Variants in GRIP1 observed in about 807,000 individuals in gnomAD.
GRIP1 encodes the protein glutamate receptor-interacting protein 1.
Under a neutral mutation model 129.9 loss-of-function variants are expected in GRIP1, and 45 were observed. The ratio of observed to expected loss-of-function variants is 0.35; its 90% CI spans 0.27 to 0.44. GRIP1 has a LOEUF of 0.44. Among genes scored for constraint, GRIP1 ranks in the 20% least tolerant of loss-of-function variants. The pLI is 1.00. For missense variants in GRIP1, 1,196 were observed against 1,396.8 expected (o/e 0.86, Z 2.29); for synonymous variants, 530 against 520.8 (o/e 1.02, Z -0.24).
At chr12:66,564,594 C>T (rs941010242) in intron 2 of GRIP1, among the ~76,000 whole-genome samples, 10 of 152,102 alleles carry the variant, frequency 6.6e-5, no homozygotes, top group Non-Finnish European at 1.0e-4. Flanking sequence ...CATATGTGTG[C>T]ATGTGTCTTT....
At position 66,678,860 on chromosome 12, in the gene GRIP1, T is replaced by C; in HGVS notation, c.45A>G (p.Arg15=). ...SFKCRCQILR[R]LTKDESPYTK... ...AGGAAAGCACGATACCTTTAGTAAGTCGCCTCAGAATTTGACAACGGCATT... is the reference window on the plus strand; with the variant it reads ...AGGAAAGCACGATACCTTTAGTAAGCCGCCTCAGAATTTGACAACGGCATT... The change falls in exon 1 of 25, where the codon CGA becomes CGG. Residue 15 remains arginine, a synonymous_variant. Coordinates refer to ENST00000359742, the MANE Select transcript of GRIP1 (RefSeq NM_001366722.1). 1 of 1,613,430 alleles carries C rather than the reference T, an allele frequency of 6.2e-7. No individual in the cohort carries two copies. The highest frequency in any genetic ancestry group is 8.5e-7 in the Non-Finnish European group (1 of 1,179,554).
intron 1 of GRIP1, among the ~76,000 whole-genome samples, chr12:67,033,549 C>G (rs533125268): frequency 6.6e-6 from 1 of 152,174 alleles, no homozygotes; most frequent in South Asian, 2.1e-4. Context: ...GAAATGTATT[C>G]CAATCTTCTC....
intron 1 of GRIP1, among the ~76,000 whole-genome samples, chr12:66,937,680 A>G (rs999914437): frequency 6.6e-6 from 1 of 152,208 alleles, no homozygotes; most frequent in Non-Finnish European, 1.5e-5. Flanking sequence ...AGTGGAGATG[A>G]TATTATGGTG....
At chr12:66,600,321 A>G (rs1230117967) in intron 1 of GRIP1, among the ~76,000 whole-genome samples, 1 of 152,188 alleles carries the variant, frequency 6.6e-6, no homozygotes, top group Non-Finnish European at 1.5e-5. Context: ...GAGAGATACT[A>G]AATAGGCTTT....
chr12:66,539,257 A>T, intron 3 of GRIP1, 34 bp from the exon 4 acceptor site: 1 of 1,613,394 alleles, frequency 6.2e-7, no homozygotes, highest in Non-Finnish European at 8.5e-7. Flanking sequence ...CAACAGACCC[A>T]CCCTCTCCAT....
chr12:66,896,281 C>A (rs2040745489), intron 1 of GRIP1, among the ~76,000 whole-genome samples: 1 of 151,728 alleles, frequency 6.6e-6, no homozygotes, highest in Admixed American at 6.6e-5. Flanking sequence ...TCCCTGTTGC[C>A]CCAAACATTC....
chr12:66,921,728 C>T (rs11176486), intron 1 of GRIP1, among the ~76,000 whole-genome samples: 20 of 152,328 alleles, frequency 1.3e-4, no homozygotes, highest in Middle Eastern at 6.8e-3. Flanking sequence ...CTGCTTAAAA[C>T]CATCCAGAGA....
At chr12:66,523,601 C>G (rs2061105493) in intron 5 of GRIP1, among the ~76,000 whole-genome samples, 1 of 151,930 alleles carries the variant, frequency 6.6e-6, no homozygotes, top group South Asian at 2.1e-4. Flanking sequence ...ACCATCGAGA[C>G]TAGGAAGAAA....
At chr12:66,823,467 T>C (rs2039356232) in intron 1 of GRIP1, among the ~76,000 whole-genome samples, 1 of 152,162 alleles carries the variant, frequency 6.6e-6, no homozygotes, top group South Asian at 2.1e-4. Flanking sequence ...ATGATAAAAA[T>C]GATCAATGAT....
In GRIP1 at chr12:66,635,118, G is replaced by A. The variant is rs73127170; in HGVS notation, c.56-38191C>T. Among the ~76,000 whole-genome samples the A allele has an allele frequency of 3.5e-3, 530 of 152,198 alleles. 1 individual carries two copies. The highest frequency in any genetic ancestry group is 5.1e-3 in the Non-Finnish European group (347 of 67,996). On this transcript the variant is annotated intron_variant, in intron 1 of 24. Coordinates refer to ENST00000359742, the MANE Select transcript of GRIP1 (RefSeq NM_001366722.1). ...TTCAAATTTAACCTTAAACATTCTTGTTTAAAATACATAGTTTGGGTCAGG... is the reference window on the plus strand; with the variant it reads ...TTCAAATTTAACCTTAAACATTCTTATTTAAAATACATAGTTTGGGTCAGG...
chr12:66,363,911 G>A (rs1024602387), intron 23 of GRIP1, among the ~76,000 whole-genome samples: 1 of 152,126 alleles, frequency 6.6e-6, no homozygotes, highest in African/African-American at 2.4e-5. Flanking sequence ...TAAACTGAAA[G>A]TTGACTACAG....
chr12:66,820,450 C>A (rs200369687), intron 1 of GRIP1, among the ~76,000 whole-genome samples: 1 of 152,132 alleles, frequency 6.6e-6, no homozygotes, highest in Non-Finnish European at 1.5e-5. Flanking sequence ...TTGGCAGTTT[C>A]TTAGACAACT....
intron 1 of GRIP1, among the ~76,000 whole-genome samples, chr12:66,877,105 C>A (rs2040396474): frequency 6.6e-6 from 1 of 151,988 alleles, no homozygotes; most frequent in Non-Finnish European, 1.5e-5. Context: ...CTGGGAAAAT[C>A]ATAGCATTGA....
At chr12:66,588,771 C>A (rs1592608045) in intron 2 of GRIP1, among the ~76,000 whole-genome samples, 1 of 151,964 alleles carries the variant, frequency 6.6e-6, no homozygotes, top group African/African-American at 2.4e-5. Flanking sequence ...GAGTTCAAGA[C>A]CAGCCTGGCC....
chr12:66,934,432 A>T (rs931955527), intron 1 of GRIP1, among the ~76,000 whole-genome samples: 2 of 152,242 alleles, frequency 1.3e-5, no homozygotes, highest in Admixed American at 6.5e-5. Flanking sequence ...AAATAACTAC[A>T]TCACTTAAAC....
intron 1 of GRIP1, among the ~76,000 whole-genome samples, chr12:66,748,738 T>A (rs2037031442): frequency 6.6e-6 from 1 of 152,196 alleles, no homozygotes; most frequent in Non-Finnish European, 1.5e-5. Context: ...TTCTATATGG[T>A]CTTTTTTTCT....
At chr12:66,663,120 C>T (rs537662370) in intron 1 of GRIP1, among the ~76,000 whole-genome samples, 1 of 152,250 alleles carries the variant, frequency 6.6e-6, no homozygotes, top group African/African-American at 2.4e-5. Flanking sequence ...TGGAATTATG[C>T]CCACAAGCTC....
At chr12:66,557,980 TGAA>T (rs1296923758) in intron 2 of GRIP1, among the ~76,000 whole-genome samples, 2 of 152,036 alleles carry the variant, frequency 1.3e-5, no homozygotes, top group Non-Finnish European at 2.9e-5. Flanking sequence ...GAAACTGAAA[TGAA>T]GAAAACAATA....
chr12:66,913,572 T>C (rs1177039353), intron 1 of GRIP1, among the ~76,000 whole-genome samples: 2 of 152,218 alleles, frequency 1.3e-5, no homozygotes, highest in African/African-American at 2.4e-5. Context: ...CAGGAAGGCA[T>C]TGCTTATCAT....
Sources: allele counts gnomAD v4.1 joint callset (sites outside exome capture counted in the v4.1 genomes callset), GRCh38; gene constraint gnomAD v4.1.1; transcripts MANE v1.5; gene names NCBI Gene and HGNC (gene_info 2026-07-23, HGNC 2026-07-21).